MAP1LC3B: variants seen among roughly 807,000 people sequenced by gnomAD.
MAP1LC3B encodes the protein microtubule-associated protein 1 light chain 3 beta.
In MAP1LC3B, 12 loss-of-function variants were observed where a neutral mutation model predicts 16.7. The observed-to-expected ratio is 0.72, with a 90% CI of 0.46 to 1.16. The LOEUF (loss-of-function observed/expected upper bound fraction) is 1.16, where lower values mean the gene tolerates loss of function less well. Among genes scored for constraint, MAP1LC3B ranks in the 50% most tolerant of loss-of-function variants. MAP1LC3B has a pLI of 0.00. For missense variants in MAP1LC3B, 155 were observed against 159.5 expected (o/e 0.97, Z 0.15); for synonymous variants, 63 against 56.5 (o/e 1.11, Z -0.51).
rs1291108043 is a variant in MAP1LC3B at position 87,403,180 on chromosome 16, A to G, written c.*83A>G. 16 of 1,499,716 alleles carry G rather than the reference A, an allele frequency of 1.1e-5. No individual in the cohort carries two copies. Among genetic ancestry groups the G allele is most frequent in the Non-Finnish European group, 1.4e-5 (16 of 1,112,950 alleles). The allele number at this position is 1,499,716 out of a possible 1,614,324, so 92.9% of individuals were successfully genotyped here. ...GGGATGTTACCAACTGAGATCGATC[A>G]GTTCATCCAATCACAGATCATGAAA... On this transcript the variant is annotated 3_prime_UTR_variant, in exon 4 of 4. Coordinates refer to ENST00000268607, the MANE Select transcript of MAP1LC3B (RefSeq NM_022818.5).
At position 87,392,385 on chromosome 16, in the gene MAP1LC3B, A is replaced by G; in HGVS notation, c.-43A>G. Reference sequence around the variant, plus strand: ...GCCGCCGCCCCCGGGAGCCGCCGGGACCCTCGCGTCGTCGCCGCCGCCGCC... The same window carrying G: ...GCCGCCGCCCCCGGGAGCCGCCGGGGCCCTCGCGTCGTCGCCGCCGCCGCC... On this transcript the variant is annotated 5_prime_UTR_variant, in exon 1 of 4. Coordinates refer to ENST00000268607, the MANE Select transcript of MAP1LC3B (RefSeq NM_022818.5). 3.6e-6 allele frequency: 5 copies of G among 1,405,844 alleles called. No individual in the cohort carries two copies. Among genetic ancestry groups the G allele is most frequent in the Non-Finnish European group, 4.6e-6 (5 of 1,088,368 alleles). 87.1% of individuals were successfully genotyped at this position (1,405,844 alleles called of 1,614,324 possible).
At chr16:87,393,134 T>C (rs1284169371) in intron 1 of MAP1LC3B, 2 of 152,294 alleles carry the variant, frequency 1.3e-5, no homozygotes, top group African/African-American at 4.8e-5. Context: ...GGGTTTGCGA[T>C]TACGTTCTCA....
At chr16:87,402,691 G>A (rs1345532356) in intron 3 of MAP1LC3B, 2 of 594,662 alleles carry the variant, frequency 3.4e-6, no homozygotes, top group African/African-American at 3.7e-5. Context: ...CAGTTTAACA[G>A]CTGTTCAGAC....
At chr16:87,395,371 A>AC (rs1324621830) in intron 1 of MAP1LC3B, among the ~76,000 whole-genome samples, 2 of 152,078 alleles carry the variant, frequency 1.3e-5, no homozygotes, top group African/African-American at 2.4e-5. Flanking sequence ...CCCTGGGGGG[A>AC]CACAGATTGG....
intron 2 of MAP1LC3B, among the ~76,000 whole-genome samples, chr16:87,400,516 T>C (rs1213901772): frequency 1.3e-5 from 2 of 152,074 alleles, no homozygotes; most frequent in African/African-American, 2.4e-5. Context: ...TAAAGAAATA[T>C]GTTATCAGAA....
At chr16:87,402,070 C>G (rs1597391502) in intron 2 of MAP1LC3B, 105 bp from the exon 3 acceptor site, 1 of 1,016,484 alleles carries the variant, frequency 9.8e-7, no homozygotes, top group African/African-American at 1.6e-5. Context: ...CTCCTGACCT[C>G]GTGATGTGCC....
At chr16:87,396,326 T>G (rs1393292621) in intron 1 of MAP1LC3B, among the ~76,000 whole-genome samples, 4 of 151,440 alleles carry the variant, frequency 2.6e-5, no homozygotes, top group African/African-American at 9.7e-5. Context: ...ATACAAAAAA[T>G]TAGCCGGGCG....
chr16:87,392,366 GCCCCC>G lies in MAP1LC3B; in HGVS notation c.-61_-57del. The G allele has an allele frequency of 7.3e-7, 1 of 1,367,716 alleles. No homozygotes were observed. Among genetic ancestry groups the G allele is most frequent in the South Asian group, 1.6e-5 (1 of 61,824 alleles). 84.7% of individuals were successfully genotyped at this position (1,367,716 alleles called of 1,614,324 possible). A position where few individuals can be genotyped will look rare whatever the true frequency, so the allele number is the denominator to read the frequency against. On this transcript the variant is annotated 5_prime_UTR_variant, in exon 1 of 4. Coordinates refer to ENST00000268607, the MANE Select transcript of MAP1LC3B (RefSeq NM_022818.5). ...CGGATTCGCCGCCGCAGCAGCCGCC[GCCCCC>G]GGGAGCCGCCGGGACCCTCGCGTCG...
At chr16:87,396,165 C>T (rs1329336634) in intron 1 of MAP1LC3B, among the ~76,000 whole-genome samples, 2 of 151,686 alleles carry the variant, frequency 1.3e-5, no homozygotes, top group African/African-American at 4.8e-5. Flanking sequence ...CCAGCCAAAC[C>T]TAGTTTCCTA....
chr16:87,395,142 A>G (rs74583244), intron 1 of MAP1LC3B, among the ~76,000 whole-genome samples: 2,604 of 152,338 alleles, frequency 0.017, 29 homozygotes, highest in Middle Eastern at 0.044. Flanking sequence ...AGATATCTCA[A>G]AACAACTTTG....
intron 2 of MAP1LC3B, chr16:87,399,693 T>A (rs903172507): frequency 5.2e-5 from 22 of 422,702 alleles, no homozygotes; most frequent in Admixed American, 3.2e-4. Context: ...TCAGGTATTA[T>A]AACAGCTTAA....
In MAP1LC3B at chr16:87,395,140, C is replaced by G. The variant is rs185798053; in HGVS notation, c.40+2673C>G. 3.9e-5 allele frequency among the ~76,000 whole-genome samples: 6 copies of G among 152,290 alleles called. No individual in the cohort carries two copies. In the East Asian group the frequency reaches 1.2e-3, roughly 29 times the overall value. ...TTACTTAAAATGACTGAAGATATCT[C>G]AAAACAACTTTGCAAAGAACGTGTT... On this transcript the variant is annotated intron_variant, in intron 1 of 3. Coordinates refer to ENST00000268607, the MANE Select transcript of MAP1LC3B (RefSeq NM_022818.5).
chr16:87,393,352 T>G (rs909133195), intron 1 of MAP1LC3B: 1 of 152,078 alleles, frequency 6.6e-6, no homozygotes. Flanking sequence ...CAGACACCGG[T>G]TTGGAAGGGA....
intron 1 of MAP1LC3B, among the ~76,000 whole-genome samples, chr16:87,395,833 C>T (rs1907777851): frequency 6.8e-6 from 1 of 147,610 alleles, no homozygotes. Context: ...CTTCATAGAG[C>T]CTGTTTTTTC....
chr16:87,399,679 GTGGTCAGGT>G, intron 2 of MAP1LC3B: 2 of 446,510 alleles, frequency 4.5e-6, no homozygotes, highest in South Asian at 3.2e-5. Context: ...AGGCTCATCT[GTGGTCAGGT>G]ATTATAACAG....
intron 1 of MAP1LC3B, among the ~76,000 whole-genome samples, chr16:87,397,348 G>T (rs893110965): frequency 1.3e-5 from 2 of 151,920 alleles, no homozygotes; most frequent in African/African-American, 2.4e-5. Flanking sequence ...GCTGGGCTTG[G>T]TGGCTCACGC....
chr16:87,398,021 A>C (rs1196952340), intron 1 of MAP1LC3B, among the ~76,000 whole-genome samples: 1 of 151,826 alleles, frequency 6.6e-6, no homozygotes, highest in Non-Finnish European at 1.5e-5. Context: ...AAAGGGAGAA[A>C]AGAATTTTTT....
At chr16:87,397,032 T>G (rs1907833010) in intron 1 of MAP1LC3B, 1 of 152,034 alleles carries the variant, frequency 6.6e-6, no homozygotes, top group Admixed American at 6.5e-5. Context: ...ATCACCATTG[T>G]GGCCAGGCTA....
chr16:87,402,524 G>C, intron 3 of MAP1LC3B: 1 of 562,712 alleles, frequency 1.8e-6, no homozygotes, highest in East Asian at 2.9e-5. Context: ...ACATCGTTTA[G>C]ATGTTTCCTG....
Sources: allele counts gnomAD v4.1 joint callset (sites outside exome capture counted in the v4.1 genomes callset), GRCh38; gene constraint gnomAD v4.1.1; transcripts MANE v1.5; gene names NCBI Gene and HGNC (gene_info 2026-07-23, HGNC 2026-07-21).